FAM83B: variants seen among roughly 807,000 people sequenced by gnomAD.
FAM83B encodes the protein protein FAM83B.
FAM83B carries 26 observed loss-of-function variants against 38.8 expected under a neutral mutation model. The observed-to-expected ratio is 0.67, with a 90% CI of 0.49 to 0.93. FAM83B has a LOEUF of 0.93. Among genes scored for constraint, FAM83B ranks in the 40% least tolerant of loss-of-function variants. The pLI is 0.00. For synonymous variants in FAM83B, 419 were observed against 423.1 expected, an observed-to-expected ratio of 0.99 and a Z score of 0.12; for missense variants, 1,237 against 1,197.3, an observed-to-expected ratio of 1.03 and a Z score of -0.49.
chr6:54,908,181 G>A (rs566997708), intron 2 of FAM83B, among the ~76,000 whole-genome samples: 49 of 148,956 alleles, frequency 3.3e-4, no homozygotes, highest in African/African-American at 4.4e-4. Flanking sequence ...TGGGTGCTGC[G>A]TAAAGGATAG....
At chr6:54,939,211 T>C (rs78915727) in intron 4 of FAM83B, among the ~76,000 whole-genome samples, 1 of 152,178 alleles carries the variant, frequency 6.6e-6, no homozygotes, top group African/African-American at 2.4e-5. Context: ...TTCTGTTCCA[T>C]TGGTGTATGT....
chr6:54,897,286 C>A (rs1164928069), intron 2 of FAM83B, among the ~76,000 whole-genome samples: 1 of 151,180 alleles, frequency 6.6e-6, no homozygotes, highest in African/African-American at 2.4e-5. Flanking sequence ...GTCATGGGCA[C>A]AATGATTAAT....
At chr6:54,896,592 TAAG>T (rs1772541790) in intron 2 of FAM83B, among the ~76,000 whole-genome samples, 1 of 152,130 alleles carries the variant, frequency 6.6e-6, no homozygotes, top group South Asian at 2.1e-4. Flanking sequence ...GAAATACTGT[TAAG>T]AAGCGTACAA....
intron 4 of FAM83B, among the ~76,000 whole-genome samples, chr6:54,936,218 A>T (rs1773520555): frequency 6.6e-6 from 1 of 152,198 alleles, no homozygotes; most frequent in South Asian, 2.1e-4. Flanking sequence ...ACTTTATTAC[A>T]ATATTATTTT....
chr6:54,883,241 C>A (rs1479197215), intron 2 of FAM83B, among the ~76,000 whole-genome samples: 9 of 151,710 alleles, frequency 5.9e-5, no homozygotes, highest in Admixed American at 5.9e-4. Flanking sequence ...CCATGCCTAG[C>A]CATTATTGTC....
At position 54,870,501 on chromosome 6, in the gene FAM83B, T is replaced by C. The variant is rs768263411; in HGVS notation, c.255T>C (p.Asp85=). ...ATGGTACTGATGATTCCTGTGATGA[T>C]ACCTTATCTTCAGGGACCTACTGGC... ...TAHGTDDSCD[D]TLSSGTYWPV... Residue 85 remains aspartate (D), a synonymous_variant, in exon 2 of 5, where the codon GAT becomes GAC. Coordinates refer to ENST00000306858, the MANE Select transcript of FAM83B (RefSeq NM_001010872.3). The C allele has an allele frequency of 1.9e-6, 3 of 1,614,082 alleles. No individual in the cohort carries two copies. The South Asian group carries it at 3.3e-5, about 18-fold the overall frequency.
rs750774204 is a variant in FAM83B at position 54,940,292 on chromosome 6, G to A, written c.1321G>A (p.Ala441Thr). 4 of 1,613,848 alleles carry A rather than the reference G, an allele frequency of 2.5e-6. No homozygotes were observed. The East Asian group carries it at 6.7e-5, about 27-fold the overall frequency. The change falls in exon 5 of 5, where the codon GCC (alanine) becomes ACC (threonine). Residue 441 changes from alanine to threonine, a missense_variant. Physicochemically the swap from Ala to Thr is moderately conservative, Grantham distance 58. Transcript: ENST00000306858. The stretch of plus-strand genomic sequence containing the variant: ...CTATGTAAGCCACCACAACACACCT[G>A]CCCAGAGTTTTGCCAATCGGCTTGC... Reference protein sequence around the residue: ...EGYVSHHNTPAQSFANRLAQR... With the variant: ...EGYVSHHNTPTQSFANRLAQR...
At chr6:54,886,831 G>A (rs186891752) in intron 2 of FAM83B, among the ~76,000 whole-genome samples, 1 of 151,704 alleles carries the variant, frequency 6.6e-6, no homozygotes, top group East Asian at 1.9e-4. Context: ...TTTATAATAT[G>A]TGAATTGGAA....
At chr6:54,852,122 C>G (rs754873395) in intron 1 of FAM83B, among the ~76,000 whole-genome samples, 2 of 152,176 alleles carry the variant, frequency 1.3e-5, no homozygotes, top group Non-Finnish European at 2.9e-5. Flanking sequence ...TTTATCAGCA[C>G]AGTTCTCTAC....
chr6:54,893,892 T>C (rs1772460440), intron 2 of FAM83B, among the ~76,000 whole-genome samples: 1 of 152,192 alleles, frequency 6.6e-6, no homozygotes, highest in Non-Finnish European at 1.5e-5. Context: ...TATTTATTAC[T>C]GTAGCCATTC....
chr6:54,906,626 T>G (rs533484897), intron 2 of FAM83B, among the ~76,000 whole-genome samples: 7 of 152,134 alleles, frequency 4.6e-5, no homozygotes, highest in African/African-American at 1.7e-4. Flanking sequence ...CTCAGGTGAT[T>G]CCCTGCCTCG....
chr6:54,907,367 G>A (rs1327324595), intron 2 of FAM83B, among the ~76,000 whole-genome samples: 1 of 150,920 alleles, frequency 6.6e-6, no homozygotes, highest in Non-Finnish European at 1.5e-5. Flanking sequence ...CAACCACAAA[G>A]CTTTATTAAA....
At chr6:54,920,079 G>T (rs918589004) in intron 2 of FAM83B, among the ~76,000 whole-genome samples, 5 of 151,878 alleles carry the variant, frequency 3.3e-5, no homozygotes, top group African/African-American at 1.2e-4. Flanking sequence ...AGTGCACACA[G>T]TATATTATAT....
chr6:54,937,964 T>A (rs1033218961), intron 4 of FAM83B, among the ~76,000 whole-genome samples: 21 of 152,170 alleles, frequency 1.4e-4, no homozygotes, highest in African/African-American at 5.1e-4. Context: ...TTCTGAAATT[T>A]TGGTGCACCC....
intron 1 of FAM83B, among the ~76,000 whole-genome samples, chr6:54,858,699 TA>T (rs1027675670): frequency 7.2e-5 from 11 of 152,232 alleles, no homozygotes; most frequent in African/African-American, 2.2e-4. Context: ...CTTAGTAATT[TA>T]TTTTTTTATG....
intron 2 of FAM83B, among the ~76,000 whole-genome samples, chr6:54,904,077 G>T (rs902661952): frequency 2.0e-5 from 3 of 150,700 alleles, no homozygotes; most frequent in African/African-American, 7.3e-5. Context: ...TTATTTTAAG[G>T]CTCCTCAGAC....
Position 54,942,732 on chromosome 6 carries a change from T to TTTTTTTTTTTTTTTTTTTGAGACGG in FAM83B, c.*725_*726insTTTTTTTTTTTTTTTTTTGAGACGG, listed in dbSNP as rs1561934815. 6.6e-6 allele frequency among the ~76,000 whole-genome samples: 1 copy of TTTTTTTTTTTTTTTTTTTGAGACGG among 151,754 alleles called. No homozygotes were observed. Among genetic ancestry groups the TTTTTTTTTTTTTTTTTTTGAGACGG allele is most frequent in the African/African-American group, 2.4e-5 (1 of 41,110 alleles). ...TTACCCATAGGCTGCTGATTTTTTA[T>TTTTTTTTTTTTTTTTTTTGAGACGG]AGTCATTCCTTACTTCACATTTAGG... is the stretch of plus-strand genomic sequence containing the variant. On this transcript the variant is annotated 3_prime_UTR_variant, in exon 5 of 5. Transcript: ENST00000306858.
At chr6:54,861,589 A>G (rs1375727966) in intron 1 of FAM83B, among the ~76,000 whole-genome samples, 3 of 152,180 alleles carry the variant, frequency 2.0e-5, no homozygotes, top group African/African-American at 7.2e-5. Context: ...AATGAGAGGA[A>G]TGGTCCATGA....
intron 2 of FAM83B, among the ~76,000 whole-genome samples, chr6:54,924,496 TC>T (rs893126354): frequency 1.3e-5 from 2 of 151,270 alleles, no homozygotes; most frequent in Non-Finnish European, 2.9e-5. Context: ...CTGTTCCTTC[TC>T]CACTAAAACT....
Sources: allele counts gnomAD v4.1 joint callset (sites outside exome capture counted in the v4.1 genomes callset), GRCh38; gene constraint gnomAD v4.1.1; transcripts MANE v1.5; gene names NCBI Gene and HGNC (gene_info 2026-07-23, HGNC 2026-07-21).